The following FNBP1 variants were observed in gnomAD, a reference collection of about 807,000 sequenced individuals.
The protein encoded by FNBP1 is formin binding protein 1, also known as formin-binding protein 1.
Under a neutral mutation model 90.6 loss-of-function variants are expected in FNBP1, and 26 were observed. That is an observed-to-expected ratio of 0.29 (90% CI 0.21 to 0.40). The LOEUF is 0.40. FNBP1 is among the 10% of genes least tolerant of loss of function. The probability of loss-of-function intolerance (pLI) is 1.00; values close to 1 mark genes in which losing one functional copy is unlikely to be tolerated. For synonymous variants in FNBP1, 260 were observed against 265.2 expected (o/e 0.98, Z 0.19); for missense variants, 635 against 768.0 (o/e 0.83, Z 2.05).
At chr9:129,932,378 T>C (rs1467029273) in intron 6 of FNBP1, among the ~76,000 whole-genome samples, 1 of 151,248 alleles carries the variant, frequency 6.6e-6, no homozygotes, top group Non-Finnish European at 1.5e-5. Context: ...TAGTATTGGC[T>C]TTTTTTTTCA....
At chr9:129,941,199 G>A (rs934119975) in intron 6 of FNBP1, among the ~76,000 whole-genome samples, 9 of 151,560 alleles carry the variant, frequency 5.9e-5, no homozygotes, top group Non-Finnish European at 1.3e-4. Flanking sequence ...GACCAGTCTG[G>A]CAAACATGGT....
intron 2 of FNBP1, among the ~76,000 whole-genome samples, chr9:129,980,641 T>C (rs1345999955): frequency 7.9e-6 from 1 of 126,748 alleles, no homozygotes; most frequent in Non-Finnish European, 1.6e-5. Context: ...TATTCACAAA[T>C]AGACACAAAA....
chr9:129,971,520 A>G (rs1456019800), intron 4 of FNBP1, among the ~76,000 whole-genome samples: 3 of 152,032 alleles, frequency 2.0e-5, no homozygotes, highest in Non-Finnish European at 4.4e-5. Flanking sequence ...CCTCCAGAGT[A>G]GCTGGGACTA....
chr9:130,041,617 G>A lies in FNBP1; in HGVS notation c.24+1335C>T, dbSNP rs533219693. Among the ~76,000 whole-genome samples the A allele has an allele frequency of 5.3e-5, 8 of 152,288 alleles. No individual in the cohort carries two copies. In the East Asian group the frequency reaches 1.3e-3, roughly 26 times the overall value. ...TCAAAATGGATACTTGTAAACATCA[G>A]CGGAAATTTTGTCATGAATCCCTTT... On this transcript the variant is annotated intron_variant, in intron 1 of 16. Transcript: ENST00000446176. The surrounding 1 kb of genome is among the most constrained non-coding windows in gnomAD (Gnocchi z 4.3).
chr9:130,007,877 A>G (rs754518585), intron 1 of FNBP1, among the ~76,000 whole-genome samples: 37 of 151,492 alleles, frequency 2.4e-4, no homozygotes, highest in Admixed American at 5.9e-4. Context: ...TTAGCTGGGT[A>G]TGGTGGCGAG....
At chr9:129,979,913 G>A (rs1305602612) in intron 2 of FNBP1, among the ~76,000 whole-genome samples, 1 of 151,442 alleles carries the variant, frequency 6.6e-6, no homozygotes, top group Admixed American at 6.6e-5. Flanking sequence ...AAAGTGCTGG[G>A]ATCACAGGTG....
chr9:129,922,490 C>T (rs1188072248), intron 10 of FNBP1, among the ~76,000 whole-genome samples: 1 of 152,160 alleles, frequency 6.6e-6, no homozygotes, highest in African/African-American at 2.4e-5. Context: ...CTTTTTATGC[C>T]TCAATTTCCT....
chr9:130,050,202 A>T, the FNBP1 span, among the ~76,000 whole-genome samples: 15 of 152,212 alleles, frequency 9.9e-5, no homozygotes, highest in Non-Finnish European at 2.2e-4. Context: ...AATCAACTGG[A>T]AAAAGTGGAG....
intron 11 of FNBP1, 49 bp from the exon 12 acceptor site, chr9:129,909,048 T>G: frequency 1.5e-6 from 2 of 1,341,112 alleles, no homozygotes; most frequent in Non-Finnish European, 2.1e-6. Flanking sequence ...AGGCTTTCCT[T>G]GAAAGAAGGC....
At position 129,937,192 on chromosome 9, in the gene FNBP1, G is replaced by C. The variant is rs544899717; in HGVS notation, c.514-7497C>G. Reference sequence around the variant, plus strand: ...CTCAAGGGGGGGAAAAAAATAAAAGGAATCAAACGAATTTTACTCTAGTCT... The same window carrying C: ...CTCAAGGGGGGGAAAAAAATAAAAGCAATCAAACGAATTTTACTCTAGTCT... On this transcript the variant is annotated intron_variant, in intron 6 of 16. Transcript: ENST00000446176. Among the ~76,000 whole-genome samples the C allele has an allele frequency of 2.0e-5, 3 of 151,876 alleles. No homozygotes were observed. In the East Asian group the frequency reaches 5.8e-4, roughly 29 times the overall value.
chr9:129,937,786 G>C (rs777292648), intron 6 of FNBP1, among the ~76,000 whole-genome samples: 1 of 151,762 alleles, frequency 6.6e-6, no homozygotes, highest in Non-Finnish European at 1.5e-5. Context: ...AAATTTATAA[G>C]GGCAGCTAAA....
At chr9:130,035,039 C>T (rs2059184646) in intron 1 of FNBP1, among the ~76,000 whole-genome samples, 1 of 152,102 alleles carries the variant, frequency 6.6e-6, no homozygotes, top group Admixed American at 6.6e-5. Context: ...ATCCCAGCTA[C>T]TTGGGAGGCT....
chr9:129,962,111 G>A (rs1325366066), intron 4 of FNBP1, among the ~76,000 whole-genome samples: 2 of 152,196 alleles, frequency 1.3e-5, no homozygotes, highest in African/African-American at 4.8e-5. Context: ...AGATGATACA[G>A]GTTGGCTGGG....
At chr9:130,013,736 C>G (rs1265538769) in intron 1 of FNBP1, 1 of 456,650 alleles carries the variant, frequency 2.2e-6, no homozygotes. Context: ...GTGTCAGAAA[C>G]TTAATGGGAA....
At chr9:129,892,306 G>A (rs577195511) in intron 16 of FNBP1, among the ~76,000 whole-genome samples, 1 of 150,414 alleles carries the variant, frequency 6.6e-6, no homozygotes, top group South Asian at 2.1e-4. Context: ...CAATCCAATT[G>A]ACCCACCGGA....
At chr9:129,995,375 A>C (rs866330024) in intron 1 of FNBP1, among the ~76,000 whole-genome samples, 6 of 152,146 alleles carry the variant, frequency 3.9e-5, no homozygotes, top group African/African-American at 4.8e-5. Flanking sequence ...AACGGGGGGA[A>C]GTGTTACAAA....
chr9:129,984,345 C>T (rs1343072198), intron 2 of FNBP1, among the ~76,000 whole-genome samples: 1 of 152,106 alleles, frequency 6.6e-6, no homozygotes, highest in African/African-American at 2.4e-5. Context: ...CCAAGAAGAG[C>T]AACAGAAAAT....
At chr9:129,937,989 C>G (rs1315940802) in intron 6 of FNBP1, among the ~76,000 whole-genome samples, 1 of 151,908 alleles carries the variant, frequency 6.6e-6, no homozygotes, top group African/African-American at 2.4e-5. Flanking sequence ...ATGGTGAAAC[C>G]CCATCTCTAC....
At chr9:130,014,338 G>A (rs915768532) in intron 1 of FNBP1, among the ~76,000 whole-genome samples, 1 of 149,960 alleles carries the variant, frequency 6.7e-6, no homozygotes, top group Non-Finnish European at 1.5e-5. Flanking sequence ...GGCAACCTCT[G>A]CCTCCGAGGT....
Sources: allele counts gnomAD v4.1 joint callset (sites outside exome capture counted in the v4.1 genomes callset), GRCh38; gene constraint gnomAD v4.1.1; non-coding constraint Gnocchi (gnomAD v3.1); transcripts MANE v1.5; gene names NCBI Gene and HGNC (gene_info 2026-07-23, HGNC 2026-07-21).